DIP2C: variants seen among roughly 807,000 people sequenced by gnomAD.
The protein encoded by DIP2C is disco-interacting protein 2 homolog C.
In DIP2C, 33 loss-of-function variants were observed where a neutral mutation model predicts 192.4. The observed-to-expected ratio is 0.17, with a 90% CI of 0.13 to 0.23. DIP2C has a LOEUF of 0.23. Ranked by LOEUF, DIP2C falls within the 10% of genes least tolerant of loss-of-function variation. The probability of loss-of-function intolerance (pLI) is 1.00; values close to 1 mark genes in which losing one functional copy is unlikely to be tolerated. For synonymous variants in DIP2C, 979 were observed against 864.1 expected (o/e 1.13, Z -2.33); for missense variants, 1,537 against 2,110.1 (o/e 0.73, Z 5.32).
At position 277,140 on chromosome 10, in the gene DIP2C, T is replaced by A; in HGVS notation, c.*185A>T. 2 of 808,986 alleles carry A rather than the reference T, an allele frequency of 2.5e-6. No homozygotes were observed. Among genetic ancestry groups the A allele is most frequent in the East Asian group, 2.8e-5 (1 of 35,854 alleles). 50.1% of individuals were successfully genotyped at this position (808,986 alleles called of 1,614,324 possible). A position where few individuals can be genotyped will look rare whatever the true frequency, so the allele number is the denominator to read the frequency against. On this transcript the variant is annotated 3_prime_UTR_variant, in exon 37 of 37. Coordinates refer to ENST00000280886, the MANE Select transcript of DIP2C (RefSeq NM_014974.3). ...TTCTGAGCGAAATTCAGTGGTAAAT[T>A]CACATTTCACCCCCATGCCAATCGT...
intron 32 of DIP2C, among the ~76,000 whole-genome samples, chr10:300,820 G>C (rs956921687): frequency 1.3e-5 from 2 of 148,604 alleles, no homozygotes; most frequent in East Asian, 2.1e-4. Context: ...GGCCCTGAGC[G>C]TGTGGAGAAA....
chr10:315,707 TTTGTG>T (rs1956746695), intron 31 of DIP2C, among the ~76,000 whole-genome samples: 4 of 152,370 alleles, frequency 2.6e-5, no homozygotes, highest in Admixed American at 2.6e-4. Flanking sequence ...TTCTTGAATC[TTTGTG>T]TTGATTCTTC....
chr10:432,056 A>G (rs1311232909), intron 4 of DIP2C, among the ~76,000 whole-genome samples: 1 of 152,028 alleles, frequency 6.6e-6, no homozygotes, highest in East Asian at 1.9e-4. Flanking sequence ...GGATGCGTGA[A>G]ACAAATTCCA....
chr10:582,929 G>GTA (rs1231087738), intron 1 of DIP2C, among the ~76,000 whole-genome samples: 4 of 152,222 alleles, frequency 2.6e-5, no homozygotes, highest in African/African-American at 9.6e-5. Flanking sequence ...AATTTCTGAT[G>GTA]TATATTCAAG....
intron 1 of DIP2C, among the ~76,000 whole-genome samples, chr10:537,412 C>A (rs987827506): frequency 2.0e-5 from 3 of 152,210 alleles, no homozygotes; most frequent in African/African-American, 7.2e-5. Flanking sequence ...ATCACCCTGG[C>A]GCAGACTCCG....
chr10:293,857 A>G (rs888431983), intron 32 of DIP2C, among the ~76,000 whole-genome samples: 3 of 152,222 alleles, frequency 2.0e-5, no homozygotes, highest in Non-Finnish European at 4.4e-5. Flanking sequence ...AGCTACAGAC[A>G]CTGCATGAGA....
At chr10:471,880 G>A (rs1970657255) in intron 3 of DIP2C, among the ~76,000 whole-genome samples, 1 of 152,138 alleles carries the variant, frequency 6.6e-6, no homozygotes, top group Non-Finnish European at 1.5e-5. Flanking sequence ...AGCCTGATGA[G>A]TAGCTAGGAC....
intron 1 of DIP2C, among the ~76,000 whole-genome samples, chr10:613,328 A>G (rs969804477): frequency 6.6e-6 from 1 of 152,192 alleles, no homozygotes; most frequent in Admixed American, 6.5e-5. Flanking sequence ...AGAGCCGATC[A>G]CAGTGCAGTG....
intron 1 of DIP2C, among the ~76,000 whole-genome samples, chr10:678,163 A>G (rs1830938824): frequency 6.6e-6 from 1 of 152,166 alleles, no homozygotes; most frequent in South Asian, 2.1e-4. Flanking sequence ...GGGAGTCCCT[A>G]CAGGTGGCTC....
At chr10:383,130 T>C (rs1161084190) in intron 16 of DIP2C, among the ~76,000 whole-genome samples, 1 of 152,232 alleles carries the variant, frequency 6.6e-6, no homozygotes, top group African/African-American at 2.4e-5. Flanking sequence ...GAGGCACAAT[T>C]ATCAAGAACA....
At chr10:522,978 A>G (rs904904338) in intron 1 of DIP2C, among the ~76,000 whole-genome samples, 2 of 151,486 alleles carry the variant, frequency 1.3e-5, no homozygotes, top group Non-Finnish European at 2.9e-5. Flanking sequence ...GACACTAAGG[A>G]CGCTGGAGTG....
intron 1 of DIP2C, among the ~76,000 whole-genome samples, chr10:679,502 ACCCGTGCTCCCCACG>A (rs1564336573): frequency 6.4e-4 from 7 of 10,980 alleles, no homozygotes; most frequent in Admixed American, 1.3e-3. Flanking sequence ...TGCTCCCCAC[ACCCGTGCTCCCCACG>A]CCCATGCTCC....
chr10:531,867 C>A (rs913431520), intron 1 of DIP2C, among the ~76,000 whole-genome samples: 1 of 152,188 alleles, frequency 6.6e-6, no homozygotes, highest in Admixed American at 6.5e-5. Context: ...CTCCAGCACG[C>A]GGCAGCTTCC....
intron 1 of DIP2C, among the ~76,000 whole-genome samples, chr10:541,112 CCGA>C (rs1233258035): frequency 6.7e-6 from 1 of 149,222 alleles, no homozygotes; most frequent in African/African-American, 2.5e-5. Context: ...GCCACAACAC[CCGA>C]TGCTGGGGAG....
At chr10:635,311 T>A (rs554229825) in intron 1 of DIP2C, among the ~76,000 whole-genome samples, 1 of 152,318 alleles carries the variant, frequency 6.6e-6, no homozygotes, top group Non-Finnish European at 1.5e-5. Context: ...TCCATCAGCG[T>A]CTCCACATCG....
chr10:416,207 G>GGGC (rs1965625391), intron 6 of DIP2C, among the ~76,000 whole-genome samples: 2 of 152,068 alleles, frequency 1.3e-5, no homozygotes, highest in African/African-American at 2.4e-5. Flanking sequence ...CACCTGCAGA[G>GGGC]GGCAGACTCC....
intron 5 of DIP2C, among the ~76,000 whole-genome samples, 164 bp downstream of exon 5, chr10:422,660 G>A (rs1018917726): frequency 5.9e-5 from 9 of 152,208 alleles, no homozygotes; most frequent in East Asian, 1.9e-4. Flanking sequence ...CATGAGAAGT[G>A]TAAAGCAGCT....
chr10:353,567 A>AT (rs1433880191), intron 24 of DIP2C, among the ~76,000 whole-genome samples: 4 of 151,592 alleles, frequency 2.6e-5, no homozygotes, highest in African/African-American at 9.7e-5. Context: ...TTTTTTTTGT[A>AT]TTTTAGTAGA....
At chr10:413,142 T>C (rs1965294180) in intron 8 of DIP2C, among the ~76,000 whole-genome samples, 1 of 151,924 alleles carries the variant, frequency 6.6e-6, no homozygotes, top group African/African-American at 2.4e-5. Context: ...GCCTTTTAGT[T>C]ACTACTTTCT....
Sources: allele counts gnomAD v4.1 joint callset (sites outside exome capture counted in the v4.1 genomes callset), GRCh38; gene constraint gnomAD v4.1.1; transcripts MANE v1.5; gene names NCBI Gene and HGNC (gene_info 2026-07-23, HGNC 2026-07-21).